Variants in KCNJ16 observed in about 807,000 individuals in gnomAD.
KCNJ16 encodes potassium inwardly rectifying channel subfamily J member 16, also known as inward rectifier potassium channel 16.
In KCNJ16, 15 loss-of-function variants were observed where a neutral mutation model predicts 18.5. That is an observed-to-expected ratio of 0.81 (90% CI 0.54 to 1.25). KCNJ16 has a LOEUF of 1.25. KCNJ16 is among the 50% of genes most tolerant of loss of function. The pLI is 0.00. For missense variants in KCNJ16, 523 were observed against 525.7 expected (o/e 0.99, Z 0.05); for synonymous variants, 174 against 186.5 (o/e 0.93, Z 0.55).
chr17:70,126,506 T>C (rs1436495457), intron 2 of KCNJ16, among the ~76,000 whole-genome samples: 1 of 152,200 alleles, frequency 6.6e-6, no homozygotes, highest in Non-Finnish European at 1.5e-5. Context: ...CCATTCATTA[T>C]CTCATTCAAA....
chr17:70,129,691 G>A (rs1042334808), intron 2 of KCNJ16, among the ~76,000 whole-genome samples: 6 of 152,132 alleles, frequency 3.9e-5, no homozygotes, highest in Non-Finnish European at 8.8e-5. Flanking sequence ...GCTTGGGGCC[G>A]AATTTTCAGT....
Position 70,086,602 on chromosome 17 carries a change from A to G in KCNJ16, c.-300+11212A>G, listed in dbSNP as rs553646723. ...CTCTTGAAGAAATAGGATGTTTACT[A>G]TTTAAGTTGGGAAAAAAATTGGCAG... On this transcript the variant is annotated intron_variant, in intron 1 of 3. Transcript: ENST00000392671. Among the ~76,000 whole-genome samples the G allele has an allele frequency of 9.8e-5, 15 of 152,312 alleles. No homozygotes were observed. The East Asian group carries it at 2.3e-3, about 23-fold the overall frequency.
chr17:70,092,952 T>A (rs2072192681), intron 1 of KCNJ16, among the ~76,000 whole-genome samples: 1 of 152,178 alleles, frequency 6.6e-6, no homozygotes. Context: ...CTGACTCAAA[T>A]GCTAATCTCA....
intron 1 of KCNJ16, among the ~76,000 whole-genome samples, chr17:70,093,957 A>C (rs1234283536): frequency 6.6e-6 from 1 of 152,162 alleles, no homozygotes; most frequent in East Asian, 1.9e-4. Context: ...AAGGAAAAAA[A>C]AAACAAATAA....
Position 70,119,984 on chromosome 17 carries a change from C to A in KCNJ16, c.-190-10895C>A, listed in dbSNP as rs569158984. The stretch of plus-strand genomic sequence containing the variant: ...TCTGCTTCCCTTTTAAATATAAGTT[C>A]CAAATTTAGGTCATTTCTTTGCTCT... On this transcript the variant is annotated intron_variant, in intron 2 of 3. Transcript: ENST00000392671. Among the ~76,000 whole-genome samples the A allele has an allele frequency of 5.9e-5, 9 of 152,266 alleles. No individual in the cohort carries two copies. In the South Asian group the frequency reaches 1.9e-3, roughly 32 times the overall value.
At chr17:70,130,091 T>C (rs1978209) in intron 2 of KCNJ16, among the ~76,000 whole-genome samples, 10,491 of 152,170 alleles carry the variant, frequency 0.069, 1,253 homozygotes, top group African/African-American at 0.24. Context: ...ATTGTATCTC[T>C]ATATCTGCTT....
At chr17:70,081,998 T>C (rs772990015) in intron 1 of KCNJ16, among the ~76,000 whole-genome samples, 4 of 152,192 alleles carry the variant, frequency 2.6e-5, no homozygotes, top group Non-Finnish European at 5.9e-5. Context: ...ACACTTTGGC[T>C]TCATGAATTG....
intron 1 of KCNJ16, among the ~76,000 whole-genome samples, chr17:70,075,785 TG>T (rs1048833882): frequency 1.3e-5 from 2 of 152,110 alleles, no homozygotes; most frequent in Non-Finnish European, 2.9e-5. Context: ...TTGCAAATAT[TG>T]AAAAATATGT....
At chr17:70,124,003 T>C (rs1389249145) in intron 2 of KCNJ16, among the ~76,000 whole-genome samples, 1 of 152,206 alleles carries the variant, frequency 6.6e-6, no homozygotes, top group Non-Finnish European at 1.5e-5. Context: ...AAACCAGGTC[T>C]TAAAATTAGC....
intron 1 of KCNJ16, among the ~76,000 whole-genome samples, chr17:70,076,309 T>C (rs960779930): frequency 6.6e-6 from 1 of 152,174 alleles, no homozygotes; most frequent in Non-Finnish European, 1.5e-5. Context: ...AAATGTAGAC[T>C]AGCCACTCTT....
At chr17:70,076,930 T>C (rs1255473541) in intron 1 of KCNJ16, among the ~76,000 whole-genome samples, 2 of 152,202 alleles carry the variant, frequency 1.3e-5, no homozygotes, top group African/African-American at 2.4e-5. Context: ...AGAAGATCAT[T>C]GGGAGCCATC....
At chr17:70,107,266 T>A (rs528048366) in intron 2 of KCNJ16, among the ~76,000 whole-genome samples, 4 of 152,246 alleles carry the variant, frequency 2.6e-5, no homozygotes, top group South Asian at 4.1e-4. Context: ...AAAGTAAAGG[T>A]ACTGTTTTGT....
intron 1 of KCNJ16, among the ~76,000 whole-genome samples, chr17:70,077,818 C>G (rs567744451): frequency 2.0e-5 from 3 of 149,606 alleles, no homozygotes; most frequent in Admixed American, 6.6e-5. Flanking sequence ...AAAGTAAACT[C>G]AAATAGCTGG....
chr17:70,086,501 T>A (rs1466076010), intron 1 of KCNJ16, among the ~76,000 whole-genome samples: 1 of 152,216 alleles, frequency 6.6e-6, no homozygotes, highest in Non-Finnish European at 1.5e-5. Flanking sequence ...CTGTTAAGAT[T>A]GTTTACAGAT....
rs150808548 is a variant in KCNJ16, at chr17:70,094,026, AT to A, written c.-299-6630del. Among the ~76,000 whole-genome samples, 828 of 152,236 alleles carry A rather than the reference AT, an allele frequency of 5.4e-3. 8 individuals are homozygous for A. The highest frequency in any genetic ancestry group is 0.019 in the African/African-American group (786 of 41,552). On this transcript the variant is annotated intron_variant, in intron 1 of 3. Transcript: ENST00000392671. ...TTAGGAAAGGTGAAAGACATGAAGC[AT>A]TGTCAAAAATATTTATCCTATAAAC...
At chr17:70,105,303 G>T (rs773640939) in intron 2 of KCNJ16, among the ~76,000 whole-genome samples, 7 of 152,208 alleles carry the variant, frequency 4.6e-5, no homozygotes, top group African/African-American at 7.2e-5. Flanking sequence ...AAATGTCAGT[G>T]CCATTTGCAG....
chr17:70,079,688 G>A (rs2071468150), intron 1 of KCNJ16, among the ~76,000 whole-genome samples: 1 of 151,936 alleles, frequency 6.6e-6, no homozygotes, highest in Non-Finnish European at 1.5e-5. Context: ...ATTTAGTACA[G>A]CATTTTTATT....
chr17:70,122,044 A>G (rs1016269554), intron 2 of KCNJ16, among the ~76,000 whole-genome samples: 6 of 152,210 alleles, frequency 3.9e-5, no homozygotes, highest in African/African-American at 1.4e-4. Context: ...GGCCTACTGA[A>G]GACAGTGGTT....
rs201280404 is a variant in KCNJ16, at chr17:70,088,735, AT to A, written c.-299-11912del. On this transcript the variant is annotated intron_variant, in intron 1 of 3. Coordinates refer to ENST00000392671, the MANE Select transcript of KCNJ16 (RefSeq NM_170741.4). ...AAAAGAAATCAAATAAGGCCAAGTG[AT>A]TTTTTTTTTTCTAACTAGGAAACTT... Among the ~76,000 whole-genome samples the A allele has an allele frequency of 1.5e-3, 229 of 148,754 alleles. 1 individual carries two copies. Among genetic ancestry groups the A allele is most frequent in the South Asian group, 1.3e-3 (6 of 4,698 alleles).
Sources: allele counts gnomAD v4.1 joint callset (sites outside exome capture counted in the v4.1 genomes callset), GRCh38; gene constraint gnomAD v4.1.1; transcripts MANE v1.5; gene names NCBI Gene and HGNC (gene_info 2026-07-23, HGNC 2026-07-21).